Variants in RALYL observed in about 807,000 individuals in gnomAD.
The protein encoded by RALYL is RALY RNA binding protein like, also known as RNA-binding Raly-like protein.
RALYL carries 29 observed loss-of-function variants against 35.1 expected under a neutral mutation model. The observed-to-expected ratio is 0.83, with a 90% CI of 0.61 to 1.13. RALYL has a LOEUF of 1.13. Ranked by LOEUF, RALYL falls within the 50% of genes most tolerant of loss-of-function variation. The pLI, the probability that RALYL is intolerant of heterozygous loss-of-function variation, is 0.00. For synonymous variants in RALYL, 120 were observed against 127.6 expected (o/e 0.94, Z 0.40); for missense variants, 359 against 360.4 (o/e 1.00, Z 0.03).
intron 1 of RALYL, among the ~76,000 whole-genome samples, chr8:84,278,364 A>G (rs2132044646): frequency 6.6e-6 from 1 of 152,168 alleles, no homozygotes; most frequent in South Asian, 2.1e-4. Context: ...GGCCCAATAA[A>G]CCATTTTTCC....
At chr8:84,185,156 T>C in intron 1 of RALYL, 1 of 840,160 alleles carries the variant, frequency 1.2e-6, no homozygotes, top group Non-Finnish European at 2.0e-6. Context: ...GGGGAAATAG[T>C]TTCTTATAAG....
At chr8:84,740,506 G>A (rs1225846515) in intron 2 of RALYL, among the ~76,000 whole-genome samples, 2 of 151,932 alleles carry the variant, frequency 1.3e-5, no homozygotes, top group Non-Finnish European at 2.9e-5. Context: ...GTCATTTAAA[G>A]GTAACTTTTT....
rs759687812 is a variant in RALYL, at chr8:84,529,525, A to G, written c.204A>G (p.Ala68=). The stretch of plus-strand genomic sequence containing the variant: ...TACAGTACATGAGTGAGCGACATGC[A>G]AGAGCTGCAGTGGCTGGAGAAAATG... ...AFVQYMSERH[A]RAAVAGENAR... Residue 68 remains alanine (A), a synonymous_variant, in exon 2 of 9, where the codon GCA becomes GCG. Transcript: ENST00000521268. 8.1e-6 allele frequency: 13 copies of G among 1,612,552 alleles called. No individual in the cohort carries two copies. The South Asian group carries it at 1.3e-4, about 16-fold the overall frequency.
chr8:84,433,687 A>G (rs567555459), intron 1 of RALYL, among the ~76,000 whole-genome samples: 6 of 152,006 alleles, frequency 3.9e-5, no homozygotes, highest in Non-Finnish European at 7.4e-5. Context: ...ACCTTCCACC[A>G]TGATTCTGAG....
At chr8:84,247,814 T>C (rs1358181417) in intron 1 of RALYL, among the ~76,000 whole-genome samples, 2 of 152,138 alleles carry the variant, frequency 1.3e-5, no homozygotes, top group Non-Finnish European at 2.9e-5. Flanking sequence ...CTAAAAACAG[T>C]CTGCCAGAGT....
chr8:84,610,990 A>G (rs1486768877), intron 2 of RALYL, among the ~76,000 whole-genome samples: 2 of 152,128 alleles, frequency 1.3e-5, no homozygotes, highest in Non-Finnish European at 2.9e-5. Flanking sequence ...TATTTCTGCA[A>G]GCATCCCTAG....
intron 1 of RALYL, among the ~76,000 whole-genome samples, chr8:84,527,357 T>G (rs185490159): frequency 1.9e-4 from 29 of 152,234 alleles, no homozygotes; most frequent in African/African-American, 6.5e-4. Flanking sequence ...TGACCAAGGG[T>G]TATCAATGGC....
intron 2 of RALYL, among the ~76,000 whole-genome samples, chr8:84,728,325 C>G (rs144078981): frequency 0.24 from 36,319 of 151,774 alleles, 4,542 homozygotes; most frequent in African/African-American, 0.28. Context: ...GGGGTTGTTT[C>G]TTTTTCTCTT....
intron 1 of RALYL, among the ~76,000 whole-genome samples, chr8:84,199,199 G>A (rs113335745): frequency 0.074 from 11,276 of 152,160 alleles, 1,401 homozygotes; most frequent in African/African-American, 0.26. Context: ...TACCTGGGAT[G>A]AGATGATATC....
At chr8:84,548,147 A>T in intron 2 of RALYL, among the ~76,000 whole-genome samples, 1 of 150,650 alleles carries the variant, frequency 6.6e-6, no homozygotes, top group South Asian at 2.1e-4. Context: ...TACGTTTATC[A>T]CTTTTTCTCA....
intron 1 of RALYL, among the ~76,000 whole-genome samples, chr8:84,294,569 T>C (rs1839398246): frequency 6.6e-6 from 1 of 152,004 alleles, no homozygotes; most frequent in African/African-American, 2.4e-5. Flanking sequence ...TCTAAAAGCT[T>C]CTCCTGTATT....
Position 84,920,929 on chromosome 8 carries a change from T to C in RALYL, c.*18T>C. ...TAAAGTGATCTGAAATAACGCATGA[T>C]GCCACAAAGCAGAAAAGAGAAACTG... On this transcript the variant is annotated 3_prime_UTR_variant, in exon 9 of 9. Transcript: ENST00000521268. 2.1e-6 allele frequency: 3 copies of C among 1,442,276 alleles called. No individual in the cohort carries two copies. The highest frequency in any genetic ancestry group is 2.8e-6 in the Non-Finnish European group (3 of 1,079,964). The allele number at this position is 1,442,276 out of a possible 1,614,324, so 89.3% of individuals were successfully genotyped here. A position where few individuals can be genotyped will look rare whatever the true frequency, so the allele number is the denominator to read the frequency against.
intron 2 of RALYL, among the ~76,000 whole-genome samples, chr8:84,718,211 C>T (rs759887373): frequency 6.6e-6 from 1 of 152,214 alleles, no homozygotes; most frequent in African/African-American, 2.4e-5. Flanking sequence ...TGAATGAAAG[C>T]ATATATTCCA....
intron 1 of RALYL, among the ~76,000 whole-genome samples, chr8:84,377,451 GTTTTTTTTTTT>G (rs369746268): frequency 1.2e-4 from 10 of 83,722 alleles, no homozygotes; most frequent in East Asian, 3.8e-4. Context: ...AAGGTTAACT[GTTTTTTTTTTT>G]TTTTTTTTTT....
At chr8:84,330,849 T>G (rs1487897984) in intron 1 of RALYL, among the ~76,000 whole-genome samples, 1 of 151,984 alleles carries the variant, frequency 6.6e-6, no homozygotes, top group African/African-American at 2.4e-5. Flanking sequence ...AAAAAGAAAA[T>G]AGCATGAGCA....
chr8:84,391,110 C>G (rs1484711672), intron 1 of RALYL, among the ~76,000 whole-genome samples: 2 of 151,994 alleles, frequency 1.3e-5, no homozygotes, highest in Non-Finnish European at 2.9e-5. Context: ...TATGGGAGCA[C>G]TTGTGAAAAG....
chr8:84,635,498 A>G (rs1040478371), intron 2 of RALYL, among the ~76,000 whole-genome samples: 9 of 151,748 alleles, frequency 5.9e-5, no homozygotes, highest in South Asian at 4.1e-4. Flanking sequence ...CAAGCACAAT[A>G]GAATAATCAG....
intron 2 of RALYL, among the ~76,000 whole-genome samples, chr8:84,608,279 T>C (rs1459908834): frequency 6.6e-6 from 1 of 152,060 alleles, no homozygotes; most frequent in Non-Finnish European, 1.5e-5. Context: ...TGTGGGCTTG[T>C]GGACAGAACT....
chr8:84,714,667 T>C (rs1398603397), intron 2 of RALYL, among the ~76,000 whole-genome samples: 2 of 151,966 alleles, frequency 1.3e-5, no homozygotes, highest in East Asian at 3.9e-4. Context: ...AAAGCAACTT[T>C]CTTAAAAACC....
Sources: gnomAD v4.1 joint callset for allele counts (sites outside exome capture counted in the v4.1 genomes callset) on GRCh38, gnomAD v4.1.1 for gene constraint, MANE v1.5 for transcripts, NCBI Gene and HGNC (gene_info 2026-07-23, HGNC 2026-07-21) for gene names.